BMPR1B: variants seen among roughly 807,000 people sequenced by gnomAD.
BMPR1B encodes bone morphogenetic protein receptor type-1B.
In BMPR1B, 12 loss-of-function variants were observed where a neutral mutation model predicts 59.1. That is an observed-to-expected ratio of 0.20 (90% CI 0.13 to 0.33). The LOEUF (loss-of-function observed/expected upper bound fraction) is 0.33, where lower values mean the gene tolerates loss of function less well. BMPR1B is among the 10% of genes least tolerant of loss of function. The probability of loss-of-function intolerance (pLI) is 1.00; values close to 1 mark genes in which losing one functional copy is unlikely to be tolerated. For synonymous variants in BMPR1B, 237 were observed against 207.3 expected, an observed-to-expected ratio of 1.14 and a Z score of -1.23; for missense variants, 550 against 610.9, an observed-to-expected ratio of 0.90 and a Z score of 1.05.
intron 10 of BMPR1B, among the ~76,000 whole-genome samples, chr4:95,131,976 A>C (rs1733393432): frequency 6.6e-6 from 1 of 152,208 alleles, no homozygotes; most frequent in South Asian, 2.1e-4. Flanking sequence ...CCTGTACCTG[A>C]AACAGTGAAT....
intron 3 of BMPR1B, among the ~76,000 whole-genome samples, chr4:95,054,500 C>T (rs1451408151): frequency 6.6e-6 from 1 of 152,092 alleles, no homozygotes; most frequent in Non-Finnish European, 1.5e-5. Context: ...GAATTGCCTT[C>T]CTAATAGTGA....
At chr4:95,105,968 C>T (rs907447086) in intron 4 of BMPR1B, among the ~76,000 whole-genome samples, 6 of 151,938 alleles carry the variant, frequency 3.9e-5, no homozygotes, top group Non-Finnish European at 5.9e-5. Flanking sequence ...AGCTATTGTC[C>T]TGGTGATCAG....
intron 2 of BMPR1B, among the ~76,000 whole-genome samples, chr4:94,969,024 T>A (rs1369902869): frequency 6.6e-6 from 1 of 151,660 alleles, no homozygotes; most frequent in African/African-American, 2.4e-5. Flanking sequence ...CTATATATCC[T>A]GAGTTTACTT....
At chr4:94,785,555 G>A (rs981751471) in intron 1 of BMPR1B, among the ~76,000 whole-genome samples, 1 of 152,168 alleles carries the variant, frequency 6.6e-6, no homozygotes, top group Non-Finnish European at 1.5e-5. Flanking sequence ...AAGGATTTTG[G>A]TGTTTTGGCA....
intron 3 of BMPR1B, among the ~76,000 whole-genome samples, chr4:95,030,304 G>A (rs1201217524): frequency 6.6e-6 from 1 of 152,128 alleles, no homozygotes; most frequent in Non-Finnish European, 1.5e-5. Context: ...TAAGGTGTAA[G>A]GAAGGGATCC....
intron 10 of BMPR1B, among the ~76,000 whole-genome samples, chr4:95,148,365 A>G (rs1734793091): frequency 6.6e-6 from 1 of 151,982 alleles, no homozygotes; most frequent in Non-Finnish European, 1.5e-5. Flanking sequence ...TGGTAATGCA[A>G]TTTTAAATGC....
intron 10 of BMPR1B, among the ~76,000 whole-genome samples, chr4:95,140,913 G>A (rs1036997857): frequency 3.9e-5 from 6 of 152,138 alleles, no homozygotes; most frequent in Non-Finnish European, 2.9e-5. Flanking sequence ...TGAACTGAAT[G>A]ACCTCTCAAA....
At chr4:94,894,484 A>G (rs985888491) in intron 2 of BMPR1B, among the ~76,000 whole-genome samples, 4 of 151,754 alleles carry the variant, frequency 2.6e-5, no homozygotes, top group Admixed American at 6.6e-5. Context: ...CCTAATTACC[A>G]TTTACATAGG....
intron 2 of BMPR1B, among the ~76,000 whole-genome samples, chr4:94,993,760 C>CA (rs34395946): frequency 0.022 from 1,462 of 67,968 alleles, 32 homozygotes; most frequent in East Asian, 0.045. Flanking sequence ...GACTCCATCT[C>CA]AAAAAAAAAA....
chr4:94,780,480 A>C (rs1029813472), intron 1 of BMPR1B, among the ~76,000 whole-genome samples: 1 of 152,140 alleles, frequency 6.6e-6, no homozygotes, highest in African/African-American at 2.4e-5. Context: ...TGCTATAAAC[A>C]TGTATGCCCA....
chr4:94,972,407 ATTAC>A (rs1730830525), intron 2 of BMPR1B, among the ~76,000 whole-genome samples: 1 of 152,158 alleles, frequency 6.6e-6, no homozygotes, highest in Non-Finnish European at 1.5e-5. Context: ...CATTAGTTCT[ATTAC>A]TTGATACAAC....
intron 1 of BMPR1B, among the ~76,000 whole-genome samples, chr4:94,813,259 G>A (rs1553908428): frequency 6.6e-6 from 1 of 152,148 alleles, no homozygotes; most frequent in Non-Finnish European, 1.5e-5. Flanking sequence ...AAAAAAGGCA[G>A]GGTGAAAGAC....
In BMPR1B at chr4:94,817,871, G is replaced by A. The variant is rs570058776; in HGVS notation, c.-182-57960G>A. 5.9e-5 allele frequency among the ~76,000 whole-genome samples: 9 copies of A among 152,256 alleles called. No individual in the cohort carries two copies. In the East Asian group the frequency reaches 1.7e-3, roughly 29 times the overall value. On this transcript the variant is annotated intron_variant, in intron 1 of 12. Transcript: ENST00000515059. ...TGGGAGTTTCTTATTCTGATGGAATGTTTTATGTGCCTCAAACTCATGTTG... is the reference window on the plus strand; with the variant it reads ...TGGGAGTTTCTTATTCTGATGGAATATTTTATGTGCCTCAAACTCATGTTG...
chr4:94,939,949 G>T (rs1306305839), intron 2 of BMPR1B, among the ~76,000 whole-genome samples: 1 of 152,120 alleles, frequency 6.6e-6, no homozygotes. Context: ...GCTTTAACTT[G>T]AATTGTTTGT....
chr4:94,758,455 C>T (rs1004129576), intron 1 of BMPR1B, among the ~76,000 whole-genome samples: 1 of 151,046 alleles, frequency 6.6e-6, no homozygotes, highest in Non-Finnish European at 1.5e-5. Flanking sequence ...GTCGGACCTG[C>T]GAGCGGAGGG....
At chr4:94,824,506 C>T (rs1724315418) in intron 1 of BMPR1B, among the ~76,000 whole-genome samples, 1 of 152,128 alleles carries the variant, frequency 6.6e-6, no homozygotes, top group South Asian at 2.1e-4. Flanking sequence ...GTAGTGTATC[C>T]TTATGCTATT....
intron 1 of BMPR1B, among the ~76,000 whole-genome samples, chr4:94,772,448 G>A (rs1374591284): frequency 6.6e-6 from 1 of 152,106 alleles, no homozygotes; most frequent in Non-Finnish European, 1.5e-5. Context: ...TATGAGGAAA[G>A]CAAGGTTTAA....
At chr4:94,762,427 C>G (rs1363632838) in intron 1 of BMPR1B, among the ~76,000 whole-genome samples, 1 of 152,160 alleles carries the variant, frequency 6.6e-6, no homozygotes, top group African/African-American at 2.4e-5. Flanking sequence ...TAAGGATATT[C>G]TTGAGTAACA....
chr4:94,897,123 G>A (rs1056011217), intron 2 of BMPR1B, among the ~76,000 whole-genome samples: 3 of 151,968 alleles, frequency 2.0e-5, no homozygotes, highest in Admixed American at 2.0e-4. Context: ...GATAAGAAGA[G>A]CTGCCTGCTC....
Sources: gnomAD v4.1 joint callset for allele counts (sites outside exome capture counted in the v4.1 genomes callset) on GRCh38, gnomAD v4.1.1 for gene constraint, MANE v1.5 for transcripts, NCBI Gene and HGNC (gene_info 2026-07-23, HGNC 2026-07-21) for gene names.